Variants in ZNF185 observed in about 807,000 individuals in gnomAD.
ZNF185 encodes zinc finger protein 185.
Under a neutral mutation model 58.6 loss-of-function variants are expected in ZNF185, and 56 were observed. The ratio of observed to expected loss-of-function variants is 0.95; its 90% CI spans 0.77 to 1.19. The LOEUF is 1.19. ZNF185 is among the 50% of genes most tolerant of loss of function. The probability of loss-of-function intolerance (pLI) is 0.00; values close to 1 mark genes in which losing one functional copy is unlikely to be tolerated. For missense variants in ZNF185, 627 were observed against 573.5 expected (o/e 1.09, Z -0.95); for synonymous variants, 230 against 215.9 (o/e 1.07, Z -0.57).
chrX:152,958,460 A>G (rs1412731371), intron 16 of ZNF185, among the ~76,000 whole-genome samples: 1 of 109,354 alleles, frequency 9.1e-6, no homozygotes, highest in Non-Finnish European at 1.9e-5. Context: ...TTTCATCTGT[A>G]AAAAAAAAGG....
At chrX:152,920,742 C>T (rs191957987) in exon 9 of ZNF185, 7 of 1,210,406 alleles carry the variant, frequency 5.8e-6, no homozygotes, top group Admixed American at 2.2e-5. Context: ...CCGTTTATCG[C>T]GAAGAGGTAA....
intron 16 of ZNF185, among the ~76,000 whole-genome samples, chrX:152,955,770 C>T (rs1556904232): frequency 9.0e-6 from 1 of 111,156 alleles, no homozygotes; most frequent in African/African-American, 3.3e-5. Context: ...GGCGCGGTGG[C>T]ATGCGCCTGT....
chrX:152,955,103 G>A (rs2048691228), intron 16 of ZNF185, among the ~76,000 whole-genome samples: 1 of 111,966 alleles, frequency 8.9e-6, no homozygotes, highest in African/African-American at 3.3e-5. Flanking sequence ...TGGCCGCTGG[G>A]ATTGGCCAAG....
At chrX:152,933,506 C>T (rs2045940745) in intron 14 of ZNF185, among the ~76,000 whole-genome samples, 1 of 112,196 alleles carries the variant, frequency 8.9e-6, no homozygotes, top group Non-Finnish European at 1.9e-5. Context: ...TCCAGCTGGG[C>T]TCTGGCTTCT....
intron 10 of ZNF185, 115 bp downstream of exon 11, chrX:152,922,371 A>G: frequency 1.4e-6 from 1 of 716,560 alleles, no homozygotes; most frequent in South Asian, 2.7e-5. Context: ...CAGTGTCCCC[A>G]TGTGCCCAGT....
At chrX:152,939,432 C>A (rs5925259) in intron 15 of ZNF185, among the ~76,000 whole-genome samples, 24,991 of 111,266 alleles carry the variant, frequency 0.22, 2,232 homozygotes, top group South Asian at 0.29. Context: ...CAAGGCCTTA[C>A]AAGTGGCAGA....
At chrX:152,951,875 T>A (rs1427373226) in intron 16 of ZNF185, among the ~76,000 whole-genome samples, 3 of 112,269 alleles carry the variant, frequency 2.7e-5, no homozygotes, top group African/African-American at 9.7e-5. Flanking sequence ...GTATTTTATC[T>A]TCTTTATAAA....
At chrX:152,937,928 C>G in intron 14 of ZNF185, 146 bp from the exon 17 acceptor site, 1 of 512,469 alleles carries the variant, frequency 2.0e-6, no homozygotes, top group Non-Finnish European at 3.2e-6. Flanking sequence ...GCATCGGTGC[C>G]ACACTAATGC....
At position 152,922,818 on chromosome X, in the gene ZNF185, C is replaced by T. The variant is rs782211709; in HGVS notation, c.830+9C>T. ...GGGAGCCAGGAGCTCAGGTGGGTGC[C>T]GAGAGCTGACTCTGGCTTGTGAGTG... On this transcript the variant is annotated intron_variant, in intron 11 of 22. Coordinates refer to ENST00000449285, the Ensembl canonical transcript of ZNF185. 1.7e-5 allele frequency: 20 copies of T among 1,179,946 alleles called. No homozygotes were observed. Among genetic ancestry groups the T allele is most frequent in the Admixed American group, 4.8e-5 (2 of 41,728 alleles).
intron 15 of ZNF185, 24 bp from the exon 18 acceptor site, chrX:152,945,243 A>G (rs782428162): frequency 3.1e-5 from 37 of 1,186,814 alleles, no homozygotes; most frequent in Non-Finnish European, 3.6e-5. Flanking sequence ...CACTTTTTTC[A>G]TAAGGGTGCT....
At chrX:152,914,404 A>ATTG, upstream of ZNF185, 3 of 906,776 alleles carry the variant, frequency 3.3e-6, no homozygotes, top group Non-Finnish European at 4.6e-6. Flanking sequence ...AAGACACTAC[A>ATTG]AATGCATGAA....
At chrX:152,923,215 C>T (rs1329721882) in intron 11 of ZNF185, among the ~76,000 whole-genome samples, 1 of 111,893 alleles carries the variant, frequency 8.9e-6, no homozygotes, top group Admixed American at 9.4e-5. Context: ...AGGGCCTGTC[C>T]CTACCGGTCA....
chrX:152,944,714 G>C (rs2047599655), intron 15 of ZNF185, among the ~76,000 whole-genome samples: 1 of 112,710 alleles, frequency 8.9e-6, no homozygotes. Context: ...CCAAAAATTG[G>C]AGGGCCAGGT....
At chrX:152,906,835 A>G in the ZNF185 span, among the ~76,000 whole-genome samples, 2 of 110,579 alleles carry the variant, frequency 1.8e-5, no homozygotes, top group African/African-American at 3.3e-5. Context: ...CCCAGCACAC[A>G]TGCACTGAGA....
chrX:152,902,253 G>A, the ZNF185 span, among the ~76,000 whole-genome samples: 1 of 112,701 alleles, frequency 8.9e-6, no homozygotes, highest in African/African-American at 3.2e-5. Context: ...GGTTGCTGGC[G>A]GTGGTCCCTG....
exon 22 of ZNF185, chrX:152,970,505 C>T (rs1194189964): frequency 8.3e-7 from 1 of 1,208,209 alleles, no homozygotes; most frequent in Non-Finnish European, 1.1e-6. Context: ...ACCGTGACAC[C>T]ATTCACTGTG....
At chrX:152,971,275 G>A (rs1214749914) in exon 23 of ZNF185, 1 of 110,283 alleles carries the variant, frequency 9.1e-6, no homozygotes, top group Non-Finnish European at 1.9e-5. Flanking sequence ...TTCTTTTAGC[G>A]ACCCCCCACC....
At chrX:152,959,349 TC>T (rs1231572328) in intron 16 of ZNF185, among the ~76,000 whole-genome samples, 1 of 112,283 alleles carries the variant, frequency 8.9e-6, no homozygotes, top group East Asian at 2.8e-4. Context: ...GCTTAGGTCT[TC>T]CTAGAGAGGC....
intron 21 of ZNF185, among the ~76,000 whole-genome samples, chrX:152,969,801 G>A (rs2050501775): frequency 8.9e-6 from 1 of 112,806 alleles, no homozygotes; most frequent in African/African-American, 3.2e-5. Context: ...AAGCACTAGA[G>A]TGTTCTAGCT....
Sources: allele counts gnomAD v4.1 joint callset (sites outside exome capture counted in the v4.1 genomes callset), GRCh38; gene constraint gnomAD v4.1.1; transcripts MANE v1.5; gene names NCBI Gene and HGNC (gene_info 2026-07-23, HGNC 2026-07-21).